Variants in VPS50 observed in about 807,000 individuals in gnomAD.
VPS50 encodes syndetin.
A neutral mutation model predicts 139.7 loss-of-function variants in VPS50; 70 were observed. The ratio of observed to expected loss-of-function variants is 0.50; its 90% CI spans 0.41 to 0.61. The LOEUF (loss-of-function observed/expected upper bound fraction) is 0.61, where lower values mean the gene tolerates loss of function less well. Among genes scored for constraint, VPS50 ranks in the 20% least tolerant of loss-of-function variants. The probability of loss-of-function intolerance (pLI) is 0.00; values close to 1 mark genes in which losing one functional copy is unlikely to be tolerated. For synonymous variants in VPS50, 365 were observed against 376.7 expected (o/e 0.97, Z 0.36); for missense variants, 921 against 1,133.7 (o/e 0.81, Z 2.69).
chr7:93,312,640 C>G (rs1225487692), intron 20 of VPS50, among the ~76,000 whole-genome samples: 1 of 151,602 alleles, frequency 6.6e-6, no homozygotes, highest in Non-Finnish European at 1.5e-5. Flanking sequence ...TCTATTTCTT[C>G]TATTCTTCTA....
intron 22 of VPS50, among the ~76,000 whole-genome samples, chr7:93,339,013 G>A (rs779433189): frequency 1.3e-5 from 2 of 152,130 alleles, no homozygotes; most frequent in Non-Finnish European, 2.9e-5. Context: ...GGAAGAAGGG[G>A]AGTCATGAAT....
In VPS50 at chr7:93,297,279, A is replaced by G. The variant is rs764606527; in HGVS notation, c.1361+36A>G. Reference sequence around the variant, plus strand: ...TAATAAGATATGAATCGACTTATTTAGGTAATGAGAATACTTTTGTCTAAT... The same window carrying G: ...TAATAAGATATGAATCGACTTATTTGGGTAATGAGAATACTTTTGTCTAAT... On this transcript the variant is annotated intron_variant, in intron 16 of 27. Transcript: ENST00000305866. 3 of 1,483,096 alleles carry G rather than the reference A, an allele frequency of 2.0e-6. No homozygotes were observed. The African/African-American group carries it at 4.5e-5, about 22-fold the overall frequency. 91.9% of individuals were successfully genotyped at this position (1,483,096 alleles called of 1,614,324 possible). A position where few individuals can be genotyped will look rare whatever the true frequency, so the allele number is the denominator to read the frequency against.
At chr7:93,264,811 T>C (rs1795792013) in intron 9 of VPS50, among the ~76,000 whole-genome samples, 1 of 152,190 alleles carries the variant, frequency 6.6e-6, no homozygotes, top group South Asian at 2.1e-4. Flanking sequence ...GAGCCCTGCC[T>C]TGAGTAATGT....
At chr7:93,337,524 G>T (rs1179511270) in intron 22 of VPS50, among the ~76,000 whole-genome samples, 1 of 152,014 alleles carries the variant, frequency 6.6e-6, no homozygotes, top group Non-Finnish European at 1.5e-5. Flanking sequence ...TAAATATATT[G>T]TGTATATGAT....
In VPS50 at chr7:93,272,606, A is replaced by C. The variant is rs185400541; in HGVS notation, c.703-29A>C. 459 of 954,708 alleles carry C rather than the reference A, an allele frequency of 4.8e-4. 2 individuals carry two copies. The African/African-American group carries it at 7.2e-3, about 15-fold the overall frequency. The allele number at this position is 954,708 out of a possible 1,614,324, so 59.1% of individuals were successfully genotyped here. ...GCCTTGAAAACATAATTCCTTAACCATGTCTTGCTTCTTCTTTTAATTATA... is the reference window on the plus strand; with the variant it reads ...GCCTTGAAAACATAATTCCTTAACCCTGTCTTGCTTCTTCTTTTAATTATA... On this transcript the variant is annotated intron_variant, in intron 10 of 27. Transcript: ENST00000305866.
rs1333059477 is a variant in VPS50, at chr7:93,296,781, G to T, written c.1207G>T (p.Asp403Tyr). 5 of 1,605,392 alleles carry T rather than the reference G, an allele frequency of 3.1e-6. No homozygotes were observed. Among genetic ancestry groups the T allele is most frequent in the South Asian group, 1.1e-5 (1 of 89,744 alleles). ...AGTAAAAACCTACTTGCTTGGAACT[G>T]ATTTGTCTATATTCAAATATGATGA... ...LKVKTYLLGT[D>Y]LSIFKYDDFI... Residue 403 changes from aspartate to tyrosine, a missense_variant, in exon 15 of 28, where the codon GAT (aspartate) becomes TAT (tyrosine). By Grantham distance (160) the Asp-to-Tyr change is radical. Coordinates refer to ENST00000305866, the MANE Select transcript of VPS50 (RefSeq NM_017667.4).
chr7:93,316,626 G>T lies in VPS50; in HGVS notation c.1855+5354G>T, dbSNP rs139708834. Among the ~76,000 whole-genome samples the T allele has an allele frequency of 2.2e-3, 340 of 152,280 alleles. 1 individual carries two copies. Among genetic ancestry groups the T allele is most frequent in the African/African-American group, 7.8e-3 (323 of 41,562 alleles). ...GTTTGTGTGATTAACCAGTTATAAT[G>T]CCAGAAATGAAAAAGGGAAGATGAG... On this transcript the variant is annotated intron_variant, in intron 20 of 27. Transcript: ENST00000305866.
At chr7:93,318,299 G>C (rs1033124370) in intron 20 of VPS50, among the ~76,000 whole-genome samples, 1 of 152,104 alleles carries the variant, frequency 6.6e-6, no homozygotes, top group African/African-American at 2.4e-5. Context: ...GGGGGGCTGA[G>C]ATATAATATT....
chr7:93,348,898 A>G (rs1798479346), intron 24 of VPS50, 91 bp downstream of exon 24: 4 of 856,370 alleles, frequency 4.7e-6, no homozygotes, highest in Non-Finnish European at 7.5e-6. Context: ...TTTAACTGGA[A>G]GTCAGTCTTG....
intron 16 of VPS50, among the ~76,000 whole-genome samples, chr7:93,298,325 A>G (rs1796871969): frequency 6.6e-6 from 1 of 152,184 alleles, no homozygotes; most frequent in Non-Finnish European, 1.5e-5. Flanking sequence ...CTTTATTTAT[A>G]AGTTCCTTGT....
chr7:93,261,056 C>T (rs181761295), intron 9 of VPS50, among the ~76,000 whole-genome samples: 1 of 152,298 alleles, frequency 6.6e-6, no homozygotes, highest in East Asian at 1.9e-4. Context: ...ATGTCATTTA[C>T]ACTTATTAGG....
rs747246297 is a variant in VPS50 at position 93,323,596 on chromosome 7, C to CT, written c.1856-9dup. 3 of 1,167,724 alleles carry CT rather than the reference C, an allele frequency of 2.6e-6. No individual in the cohort carries two copies. Among genetic ancestry groups the CT allele is most frequent in the African/African-American group, 1.6e-5 (1 of 62,826 alleles). 72.3% of individuals were successfully genotyped at this position (1,167,724 alleles called of 1,614,324 possible). A position where few individuals can be genotyped will look rare whatever the true frequency, so the allele number is the denominator to read the frequency against. On this transcript the variant is annotated splice_polypyrimidine_tract_variant and intron_variant, in intron 20 of 27. Transcript: ENST00000305866. ...ATTTTGTTCTGCTTAATTTTTTATT[C>CT]TTTTTTCTTTTCAGGAAAATATATG...
chr7:93,323,812 A>G, intron 21 of VPS50, 80 bp downstream of exon 21: 1 of 666,420 alleles, frequency 1.5e-6, no homozygotes, highest in South Asian at 2.9e-5. Flanking sequence ...TTCTCTCTAT[A>G]GAAGATACAC....
intron 2 of VPS50, among the ~76,000 whole-genome samples, chr7:93,247,399 C>T (rs557537157): frequency 8.6e-5 from 13 of 152,024 alleles, no homozygotes; most frequent in Middle Eastern, 3.4e-3. Flanking sequence ...TTCTATCCTG[C>T]GGAAGCCACC....
intron 2 of VPS50, among the ~76,000 whole-genome samples, chr7:93,244,665 G>C (rs920158425): frequency 6.6e-6 from 1 of 151,798 alleles, no homozygotes; most frequent in African/African-American, 2.4e-5. Context: ...TTGCATATTG[G>C]TGTCTGTATT....
At chr7:93,331,397 T>C (rs1300437393) in intron 21 of VPS50, among the ~76,000 whole-genome samples, 2 of 152,154 alleles carry the variant, frequency 1.3e-5, no homozygotes, top group Non-Finnish European at 2.9e-5. Flanking sequence ...TAAAATGTGG[T>C]ACTGGCCTAA....
At chr7:93,256,449 A>G in intron 4 of VPS50, 60 bp from the exon 5 acceptor site, 2 of 817,654 alleles carry the variant, frequency 2.4e-6, no homozygotes, top group South Asian at 2.0e-5. Flanking sequence ...AATATAAAAT[A>G]TCATAGAAAG....
intron 2 of VPS50, among the ~76,000 whole-genome samples, chr7:93,244,239 T>C (rs971194420): frequency 3.3e-5 from 5 of 151,960 alleles, no homozygotes; most frequent in Admixed American, 1.3e-4. Context: ...TTTCTACTTA[T>C]ATAAATTCTA....
At chr7:93,235,910 G>A (rs1475282319) in intron 1 of VPS50, among the ~76,000 whole-genome samples, 2 of 152,200 alleles carry the variant, frequency 1.3e-5, no homozygotes, top group East Asian at 3.8e-4. Context: ...TGGAATGAGT[G>A]TAGATATACA....
Sources: gnomAD v4.1 joint callset for allele counts (sites outside exome capture counted in the v4.1 genomes callset) on GRCh38, gnomAD v4.1.1 for gene constraint, MANE v1.5 for transcripts, NCBI Gene and HGNC (gene_info 2026-07-23, HGNC 2026-07-21) for gene names.